Variants in FMNL2 observed in about 807,000 individuals in gnomAD.
FMNL2 encodes the protein formin-like protein 2.
FMNL2 carries 51 observed loss-of-function variants against 130.2 expected under a neutral mutation model. The ratio of observed to expected loss-of-function variants is 0.39; its 90% CI spans 0.31 to 0.49. The LOEUF is 0.49. FMNL2 is among the 20% of genes least tolerant of loss of function. FMNL2 has a pLI of 0.85. For synonymous variants in FMNL2, 465 were observed against 467.1 expected (o/e 1.00, Z 0.06); for missense variants, 977 against 1,316.2 (o/e 0.74, Z 3.99).
At chr2:152,375,379 T>G (rs1684095786) in intron 1 of FMNL2, among the ~76,000 whole-genome samples, 1 of 152,238 alleles carries the variant, frequency 6.6e-6, no homozygotes, top group Admixed American at 6.5e-5. Context: ...TGAATGCTCA[T>G]GCCTGGTAGG....
chr2:152,481,025 C>T lies in FMNL2; in HGVS notation c.118-40918C>T, dbSNP rs1690490175. Reference sequence around the variant, plus strand: ...TGTCTGTATATATACACAAGTGGCTCCCATCTTAGTCTGCAGATTTGAAGC... The same window carrying T: ...TGTCTGTATATATACACAAGTGGCTTCCATCTTAGTCTGCAGATTTGAAGC... On this transcript the variant is annotated intron_variant, in intron 1 of 25. Coordinates refer to ENST00000288670, the MANE Select transcript of FMNL2 (RefSeq NM_052905.4). 4.6e-5 allele frequency among the ~76,000 whole-genome samples: 7 copies of T among 152,142 alleles called. No homozygotes were observed. The South Asian group carries it at 1.2e-3, about 27-fold the overall frequency.
chr2:152,510,911 G>T (rs1304481016), intron 1 of FMNL2, among the ~76,000 whole-genome samples: 5 of 152,226 alleles, frequency 3.3e-5, no homozygotes, highest in South Asian at 2.1e-4. Context: ...AGTTGTCTCA[G>T]TGTTACTGTG....
At chr2:152,354,181 C>G (rs1423496891) in intron 1 of FMNL2, among the ~76,000 whole-genome samples, 1 of 152,202 alleles carries the variant, frequency 6.6e-6, no homozygotes, top group East Asian at 1.9e-4. Flanking sequence ...ACATATGGTG[C>G]TGTGACCACT....
chr2:152,375,367 C>T (rs545671874), intron 1 of FMNL2, among the ~76,000 whole-genome samples: 1 of 152,314 alleles, frequency 6.6e-6, no homozygotes, highest in East Asian at 1.9e-4. Flanking sequence ...CCCTGCCAAC[C>T]TTGAATGCTC....
chr2:152,482,605 C>T (rs973093054), intron 1 of FMNL2, among the ~76,000 whole-genome samples: 14 of 152,182 alleles, frequency 9.2e-5, no homozygotes, highest in Non-Finnish European at 1.5e-4. Flanking sequence ...CTGGCTTTTC[C>T]ACTTAATAAC....
At chr2:152,488,296 A>G (rs1382414015) in intron 1 of FMNL2, among the ~76,000 whole-genome samples, 7 of 152,170 alleles carry the variant, frequency 4.6e-5, no homozygotes, top group South Asian at 2.1e-4. Flanking sequence ...TTATTTCACA[A>G]TTGAGGGCAA....
At chr2:152,645,851 C>T (rs1459487501) in intron 25 of FMNL2, among the ~76,000 whole-genome samples, 3 of 152,098 alleles carry the variant, frequency 2.0e-5, no homozygotes, top group Admixed American at 1.3e-4. Context: ...AGGTCCTGGC[C>T]AGGTAACATT....
intron 16 of FMNL2, among the ~76,000 whole-genome samples, chr2:152,626,095 T>C (rs1411147666): frequency 6.6e-6 from 1 of 152,176 alleles, no homozygotes; most frequent in African/African-American, 2.4e-5. Flanking sequence ...TGGAATGCAG[T>C]GGCGCAACCT....
intron 1 of FMNL2, among the ~76,000 whole-genome samples, chr2:152,378,945 A>G (rs1461819702): frequency 7.8e-6 from 1 of 127,716 alleles, no homozygotes; most frequent in Non-Finnish European, 1.6e-5. Flanking sequence ...TACTCCAGAT[A>G]TTGAGAGGGA....
chr2:152,555,193 A>G (rs979797076), intron 4 of FMNL2, among the ~76,000 whole-genome samples: 27 of 152,326 alleles, frequency 1.8e-4, no homozygotes, highest in African/African-American at 6.0e-4. Flanking sequence ...TTGTGAAAAC[A>G]GTTTTACCTT....
chr2:152,551,791 C>T (rs781478238), intron 4 of FMNL2, among the ~76,000 whole-genome samples: 2 of 152,104 alleles, frequency 1.3e-5, no homozygotes, highest in African/African-American at 2.4e-5. Flanking sequence ...CGAGGCAGGA[C>T]GATTACTTGA....
intron 1 of FMNL2, among the ~76,000 whole-genome samples, chr2:152,492,040 A>G (rs1293847408): frequency 6.6e-6 from 1 of 152,218 alleles, no homozygotes; most frequent in Non-Finnish European, 1.5e-5. Context: ...ACTATGAAAA[A>G]TAGTAAATTG....
At chr2:152,558,245 A>G (rs528121105) in intron 4 of FMNL2, among the ~76,000 whole-genome samples, 1 of 152,166 alleles carries the variant, frequency 6.6e-6, no homozygotes, top group East Asian at 1.9e-4. Flanking sequence ...AGAAGCCCAT[A>G]AACAGTGGTC....
At chr2:152,514,175 AAT>A (rs1294388868) in intron 1 of FMNL2, among the ~76,000 whole-genome samples, 4 of 152,174 alleles carry the variant, frequency 2.6e-5, no homozygotes, top group African/African-American at 9.7e-5. Flanking sequence ...TTGATGTCCC[AAT>A]AATGGTATAA....
chr2:152,589,335 A>G (rs1195789473), intron 9 of FMNL2, among the ~76,000 whole-genome samples: 1 of 152,158 alleles, frequency 6.6e-6, no homozygotes, highest in East Asian at 1.9e-4. Context: ...AACAACAAAA[A>G]AAAACCCAGG....
intron 10 of FMNL2, 57 bp downstream of exon 10, chr2:152,607,470 T>TACACACACAC (rs3080598): frequency 4.9e-5 from 30 of 617,912 alleles, no homozygotes; most frequent in African/African-American, 3.6e-4. Flanking sequence ...TTTTTCTAAA[T>TACACACACAC]ACACACACAC....
chr2:152,641,683 G>T (rs1053030751), intron 25 of FMNL2, among the ~76,000 whole-genome samples: 2 of 151,880 alleles, frequency 1.3e-5, no homozygotes. Flanking sequence ...CAACAATTAC[G>T]AACTCATGGC....
At chr2:152,550,279 T>G (rs532383976) in intron 4 of FMNL2, among the ~76,000 whole-genome samples, 13 of 152,212 alleles carry the variant, frequency 8.5e-5, no homozygotes, top group Non-Finnish European at 1.8e-4. Context: ...CTATTGTGAT[T>G]GATAGGTGAT....
rs1682549693 is a variant in FMNL2, at chr2:152,352,447, T to C, written c.117+16727T>C. On this transcript the variant is annotated intron_variant, in intron 1 of 25. Transcript: ENST00000288670. Reference sequence around the variant, plus strand: ...AAATTTCTCGACTCAAAAGCCGTGCTCCTAACATTCTGTTTTGACTCCCAA... The same window carrying C: ...AAATTTCTCGACTCAAAAGCCGTGCCCCTAACATTCTGTTTTGACTCCCAA... Among the ~76,000 whole-genome samples, 4 of 152,222 alleles carry C rather than the reference T, an allele frequency of 2.6e-5. No individual in the cohort carries two copies. The South Asian group carries it at 8.3e-4, about 31-fold the overall frequency.
Sources: allele counts gnomAD v4.1 joint callset (sites outside exome capture counted in the v4.1 genomes callset), GRCh38; gene constraint gnomAD v4.1.1; transcripts MANE v1.5; gene names NCBI Gene and HGNC (gene_info 2026-07-23, HGNC 2026-07-21).